Variants in ANKRD55 observed in about 807,000 individuals in gnomAD.
The protein encoded by ANKRD55 is ankyrin repeat domain-containing protein 55.
Under a neutral mutation model 60.6 loss-of-function variants are expected in ANKRD55, and 41 were observed. The ratio of observed to expected loss-of-function variants is 0.68; its 90% CI spans 0.53 to 0.88. The LOEUF (loss-of-function observed/expected upper bound fraction) is 0.88. ANKRD55 is among the 40% of genes least tolerant of loss of function. ANKRD55 has a pLI of 0.00. For missense variants in ANKRD55, 732 were observed against 767.6 expected, an observed-to-expected ratio of 0.95 and a Z score of 0.55; for synonymous variants, 264 against 290.3, an observed-to-expected ratio of 0.91 and a Z score of 0.92.
intron 2 of ANKRD55, among the ~76,000 whole-genome samples, chr5:56,199,080 A>AAAACAAACAAACAAAC (rs56703145): frequency 0.037 from 5,514 of 150,300 alleles, 132 homozygotes; most frequent in East Asian, 0.13. Flanking sequence ...ACTCTGTCTC[A>AAAACAAACAAACAAAC]AAACAAACAA....
At chr5:56,192,901 AT>A in intron 2 of ANKRD55, 2 of 641,174 alleles carry the variant, frequency 3.1e-6, no homozygotes, top group Admixed American at 2.5e-5. Flanking sequence ...GTCTAAAAGT[AT>A]TTTTTATGAG....
chr5:56,165,388 A>C (rs930809658), intron 5 of ANKRD55, among the ~76,000 whole-genome samples: 1 of 152,148 alleles, frequency 6.6e-6, no homozygotes, highest in African/African-American at 2.4e-5. Flanking sequence ...CAGGATGAGC[A>C]CCAGTGGGGT....
chr5:56,209,756 C>T (rs1276213532), intron 2 of ANKRD55, among the ~76,000 whole-genome samples: 1 of 152,216 alleles, frequency 6.6e-6, no homozygotes, highest in East Asian at 1.9e-4. Context: ...TGAGCCACCG[C>T]GCCCGGCTAC....
chr5:56,120,626 A>G (rs1023969248), intron 8 of ANKRD55, among the ~76,000 whole-genome samples: 3 of 152,196 alleles, frequency 2.0e-5, no homozygotes, highest in Non-Finnish European at 2.9e-5. Context: ...ACAGCTGGGC[A>G]TGGTGGCTCA....
chr5:56,129,522 G>A (rs1358082874), intron 7 of ANKRD55, among the ~76,000 whole-genome samples: 2 of 152,136 alleles, frequency 1.3e-5, no homozygotes, highest in African/African-American at 4.8e-5. Flanking sequence ...GGGGAAGCCT[G>A]ACTCATAAGA....
chr5:56,130,443 T>A (rs181413205), intron 7 of ANKRD55, among the ~76,000 whole-genome samples: 4 of 152,180 alleles, frequency 2.6e-5, no homozygotes, highest in African/African-American at 9.7e-5. Flanking sequence ...ATATTCACAT[T>A]CCAGAGGCAT....
At chr5:56,185,635 TC>T (rs1758951754) in intron 2 of ANKRD55, among the ~76,000 whole-genome samples, 1 of 150,314 alleles carries the variant, frequency 6.7e-6, no homozygotes, top group Admixed American at 6.6e-5. Context: ...GCCATTGCAC[TC>T]CAGCCTGGGC....
intron 2 of ANKRD55, among the ~76,000 whole-genome samples, chr5:56,223,450 A>G (rs1336957769): frequency 2.0e-5 from 3 of 152,204 alleles, no homozygotes; most frequent in African/African-American, 7.2e-5. Context: ...ATCAACTAAC[A>G]AGCAAAATAA....
Position 56,166,138 on chromosome 5 carries a change from CTTTCTTTCTTT to C in ANKRD55, c.422+4545_422+4555del, listed in dbSNP as rs1561277782. 7.1e-4 allele frequency among the ~76,000 whole-genome samples: 70 copies of C among 99,044 alleles called. 1 individual carries two copies. The highest frequency in any genetic ancestry group is 3.3e-3 in the African/African-American group (59 of 18,080). The allele number at this position is 99,044 out of a possible 152,430, so 65.0% of individuals were successfully genotyped here. On this transcript the variant is annotated intron_variant, in intron 5 of 11. Coordinates refer to ENST00000341048, the MANE Select transcript of ANKRD55 (RefSeq NM_024669.3). ...TCTTTCTTTCTTTCTTTCTTTCTTTCTTTCTTTCTTTCTTTCTTCTTTCCTTCCTTCCTTCC... is the reference window on the plus strand; with the variant it reads ...TCTTTCTTTCTTTCTTTCTTTCTTTCCTTTCTTCTTTCCTTCCTTCCTTCC...
At chr5:56,217,129 T>C (rs1464995618) in intron 2 of ANKRD55, among the ~76,000 whole-genome samples, 1 of 152,226 alleles carries the variant, frequency 6.6e-6, no homozygotes, top group Non-Finnish European at 1.5e-5. Flanking sequence ...TTAACAATTA[T>C]GTTAAATCTA....
rs778952426 is a variant in ANKRD55, at chr5:56,170,729, C to T, written c.387G>A (p.Leu129=). The part of the protein sequence containing the change: ...KHNIPDKNGR[L]PLHAATAEPD... Reference sequence around the variant, plus strand: ...GCTCAGCAGTGGCAGCATGCAGTGGCAGGCGGCCATTTTTATCTGGGATAT... The same window carrying T: ...GCTCAGCAGTGGCAGCATGCAGTGGTAGGCGGCCATTTTTATCTGGGATAT... Residue 129 remains leucine, a synonymous_variant, in exon 5 of 12, where the codon CTG becomes CTA. Transcript: ENST00000341048. The T allele has an allele frequency of 1.2e-6, 2 of 1,614,178 alleles. No homozygotes were observed.
chr5:56,233,146 AG>A, intron 1 of ANKRD55, 94 bp downstream of exon 1: 1 of 565,096 alleles, frequency 1.8e-6, no homozygotes, highest in Non-Finnish European at 3.2e-6. Context: ...CTCATTCATC[AG>A]CTGTACATGG....
intron 5 of ANKRD55, among the ~76,000 whole-genome samples, chr5:56,165,404 T>C (rs562981323): frequency 6.6e-6 from 1 of 152,294 alleles, no homozygotes; most frequent in Admixed American, 6.5e-5. Context: ...GGGGTGGCAG[T>C]AGTAGTGTTT....
At chr5:56,172,444 C>A (rs944761243) in intron 4 of ANKRD55, among the ~76,000 whole-genome samples, 1 of 152,090 alleles carries the variant, frequency 6.6e-6, no homozygotes, top group Non-Finnish European at 1.5e-5. Flanking sequence ...GAAAGGCATG[C>A]TGGGCAAATT....
In ANKRD55 at chr5:56,123,241, AGGCAGCCT is replaced by A. The variant is rs1757132633; in HGVS notation, c.797+3673_797+3680del. Among the ~76,000 whole-genome samples the A allele has an allele frequency of 3.3e-5, 5 of 152,064 alleles. No homozygotes were observed. The South Asian group carries it at 1.0e-3, about 32-fold the overall frequency. ...GGGCCAGGTGGTCTCTCAGGCCTGGAGGCAGCCTGGCAGCTGGACAGAGAAGGGCTGGG... is the reference window on the plus strand; with the variant it reads ...GGGCCAGGTGGTCTCTCAGGCCTGGAGGCAGCTGGACAGAGAAGGGCTGGG... On this transcript the variant is annotated intron_variant, in intron 8 of 11. Transcript: ENST00000341048.
chr5:56,110,917 T>C (rs1451186701), intron 10 of ANKRD55: 2 of 611,342 alleles, frequency 3.3e-6, no homozygotes, highest in Non-Finnish European at 5.7e-6. Context: ...GATGATTACT[T>C]GAAGAGGGGA....
intron 7 of ANKRD55, among the ~76,000 whole-genome samples, chr5:56,130,336 C>T (rs62363956): frequency 0.12 from 18,592 of 152,166 alleles, 1,224 homozygotes; most frequent in Middle Eastern, 0.24. Context: ...CTAGCTCTAG[C>T]TTTCCACATG....
intron 10 of ANKRD55, among the ~76,000 whole-genome samples, chr5:56,106,032 A>G (rs931848466): frequency 2.6e-5 from 4 of 152,164 alleles, no homozygotes; most frequent in Non-Finnish European, 5.9e-5. Flanking sequence ...TTCATCCCCC[A>G]TCTTGCTGCA....
intron 10 of ANKRD55, among the ~76,000 whole-genome samples, chr5:56,103,151 C>T (rs547303389): frequency 1.2e-4 from 19 of 152,268 alleles, no homozygotes; most frequent in African/African-American, 4.1e-4. Context: ...ACCTGGAAGA[C>T]GGAATGGGGT....
Sources: allele counts gnomAD v4.1 joint callset (sites outside exome capture counted in the v4.1 genomes callset), GRCh38; gene constraint gnomAD v4.1.1; transcripts MANE v1.5; gene names NCBI Gene and HGNC (gene_info 2026-07-23, HGNC 2026-07-21).